Variants in NAV3 observed in about 807,000 individuals in gnomAD.
NAV3 encodes pore membrane and/or filament interacting like protein 1.
A neutral mutation model predicts 244.7 loss-of-function variants in NAV3; 87 were observed. The ratio of observed to expected loss-of-function variants is 0.36; its 90% CI spans 0.30 to 0.42. The LOEUF (loss-of-function observed/expected upper bound fraction) is 0.42, where lower values mean the gene tolerates loss of function less well. Among genes scored for constraint, NAV3 ranks in the 20% least tolerant of loss-of-function variants. The pLI, the probability that NAV3 is intolerant of heterozygous loss-of-function variation, is 1.00. For missense variants in NAV3, 2,663 were observed against 2,893.3 expected, an observed-to-expected ratio of 0.92 and a Z score of 1.83; for synonymous variants, 1,126 against 1,042.2, an observed-to-expected ratio of 1.08 and a Z score of -1.55.
chr12:78,051,113 G>A lies in NAV3; in HGVS notation c.2482G>A (p.Gly828Arg), dbSNP rs1171822601. 4.3e-6 allele frequency: 7 copies of A among 1,612,648 alleles called. No homozygotes were observed. Among genetic ancestry groups the A allele is most frequent in the Non-Finnish European group, 5.1e-6 (6 of 1,178,928 alleles). ...ATATATGAGTGATGGTGATATCCTT[G>A]GGAAAAGTCTCAGGACTGATGACAT... The part of the protein sequence containing the change: ...GGYMSDGDIL[G>R]KSLRTDDINS... Residue 828 changes from glycine (G) to arginine (R), a missense_variant, in exon 11 of 40, where the codon GGG becomes AGG. By Grantham distance (125) the Gly-to-Arg change is moderately radical. This residue lies in a region of NAV3 where 1,521 missense variants were observed against 1,497.0 expected (regional missense o/e 1.02). Coordinates refer to ENST00000397909, the MANE Select transcript of NAV3 (RefSeq NM_001024383.2).
intron 23 of NAV3, among the ~76,000 whole-genome samples, chr12:78,160,700 A>T (rs1029307789): frequency 6.6e-6 from 1 of 152,128 alleles, no homozygotes; most frequent in Non-Finnish European, 1.5e-5. Context: ...GAATATTCTT[A>T]TAATTGCCAA....
At chr12:78,121,309 A>G (rs538817631) in intron 15 of NAV3, among the ~76,000 whole-genome samples, 2 of 152,340 alleles carry the variant, frequency 1.3e-5, no homozygotes, top group African/African-American at 2.4e-5. Flanking sequence ...TAAAAAATGT[A>G]TTTGAATAGC....
chr12:78,165,458 G>C (rs1299894406), intron 23 of NAV3, among the ~76,000 whole-genome samples: 1 of 151,696 alleles, frequency 6.6e-6, no homozygotes, highest in African/African-American at 2.4e-5. Flanking sequence ...CTCAAAACTT[G>C]AGTATCTTCT....
chr12:77,960,882 T>C (rs1388447109), intron 3 of NAV3, among the ~76,000 whole-genome samples: 1 of 146,734 alleles, frequency 6.8e-6, no homozygotes, highest in Non-Finnish European at 1.5e-5. Flanking sequence ...AATATATTGA[T>C]ATTTAATATG....
At chr12:78,029,413 T>C (rs1482254698) in intron 9 of NAV3, among the ~76,000 whole-genome samples, 2 of 152,196 alleles carry the variant, frequency 1.3e-5, no homozygotes, top group Non-Finnish European at 2.9e-5. Flanking sequence ...CATGATGATC[T>C]TAGTGAAGAA....
intron 1 of NAV3, among the ~76,000 whole-genome samples, chr12:77,833,038 C>T (rs1445651676): frequency 6.6e-6 from 1 of 152,220 alleles, no homozygotes; most frequent in Non-Finnish European, 1.5e-5. Flanking sequence ...TTCACCTGTT[C>T]AGATCCTTTA....
chr12:77,778,547 G>A (rs944644276), intron 2 of NAV3, among the ~76,000 whole-genome samples: 1 of 150,342 alleles, frequency 6.7e-6, no homozygotes, highest in African/African-American at 2.5e-5. Context: ...AGGAGACAGA[G>A]CTTGCAGTGA....
chr12:77,898,320 T>C (rs1281931469), intron 1 of NAV3, among the ~76,000 whole-genome samples: 2 of 152,130 alleles, frequency 1.3e-5, no homozygotes, highest in Non-Finnish European at 2.9e-5. Context: ...ATATTTCAAA[T>C]TGGCAAAAAT....
chr12:78,023,967 C>T (rs1877574732), intron 9 of NAV3, among the ~76,000 whole-genome samples: 1 of 152,104 alleles, frequency 6.6e-6, no homozygotes, highest in Non-Finnish European at 1.5e-5. Context: ...GATCTAGGCA[C>T]CATCAGAAAC....
intron 5 of NAV3, among the ~76,000 whole-genome samples, chr12:77,977,758 T>A: frequency 6.7e-6 from 1 of 149,746 alleles, no homozygotes; most frequent in Non-Finnish European, 1.5e-5. Context: ...CAGAATCAAG[T>A]AATATACTCT....
At chr12:77,882,537 A>G (rs1423369699) in intron 1 of NAV3, among the ~76,000 whole-genome samples, 1 of 152,158 alleles carries the variant, frequency 6.6e-6, no homozygotes, top group Non-Finnish European at 1.5e-5. Context: ...ATTTCTGGCT[A>G]AGTCCCCAAA....
chr12:77,589,007 G>C (rs1869775618), intron 2 of NAV3, among the ~76,000 whole-genome samples: 1 of 152,132 alleles, frequency 6.6e-6, no homozygotes. Context: ...ACCCTGGACT[G>C]AGCTTTTAAA....
At chr12:78,052,172 C>A (rs1882850747) in intron 11 of NAV3, 1 of 152,134 alleles carries the variant, frequency 6.6e-6, no homozygotes, top group Non-Finnish European at 1.5e-5. Context: ...TATAAGTGAC[C>A]CTTCCTGACT....
rs536532769 is a variant in NAV3, at chr12:78,023,578, T to G, written c.2023+1716T>G. Among the ~76,000 whole-genome samples the G allele has an allele frequency of 3.9e-4, 60 of 152,312 alleles. No individual in the cohort carries two copies. The Middle Eastern group carries it at 0.014, about 35-fold the overall frequency. ...GTACAGTGAGACTTGTCTAATTATG[T>G]CAATCTCACTATCATCTGTTTAAAT... On this transcript the variant is annotated intron_variant, in intron 9 of 39. Transcript: ENST00000397909.
At chr12:77,793,382 G>T (rs1325410197) in intron 2 of NAV3, among the ~76,000 whole-genome samples, 2 of 152,076 alleles carry the variant, frequency 1.3e-5, no homozygotes. Context: ...AAATACATGT[G>T]CCATGGTGGT....
intron 1 of NAV3, among the ~76,000 whole-genome samples, chr12:77,917,011 A>G (rs1887212180): frequency 6.6e-6 from 1 of 152,006 alleles, no homozygotes; most frequent in Non-Finnish European, 1.5e-5. Context: ...AACTAGTCTT[A>G]TAAACTAGTC....
Position 77,904,274 on chromosome 12 carries a change from G to C in NAV3, c.244-36045G>C, listed in dbSNP as rs563193184. ...GTCCAACAATGATAGACTGGATTAA[G>C]AAAATGTGGCACATATACACCATGG... is the stretch of plus-strand genomic sequence containing the variant. On this transcript the variant is annotated intron_variant, in intron 1 of 39. Coordinates refer to ENST00000397909, the MANE Select transcript of NAV3 (RefSeq NM_001024383.2). Among the ~76,000 whole-genome samples, 387 of 152,248 alleles carry C rather than the reference G, an allele frequency of 2.5e-3. 1 individual carries two copies. Among genetic ancestry groups the C allele is most frequent in the Non-Finnish European group, 4.5e-3 (307 of 68,004 alleles).
At chr12:77,939,401 T>C (rs1312627629) in intron 1 of NAV3, among the ~76,000 whole-genome samples, 1 of 152,158 alleles carries the variant, frequency 6.6e-6, no homozygotes, top group African/African-American at 2.4e-5. Flanking sequence ...AACAAGCGTA[T>C]TTCTTACTTT....
chr12:77,829,420 A>G (rs193283538), upstream of NAV3, among the ~76,000 whole-genome samples: 14 of 152,178 alleles, frequency 9.2e-5, no homozygotes, highest in Admixed American at 5.2e-4. Flanking sequence ...CCTAGAATCA[A>G]TTTTTCCCAC....
Sources: allele counts gnomAD v4.1 joint callset (sites outside exome capture counted in the v4.1 genomes callset), GRCh38; gene constraint gnomAD v4.1.1; regional missense constraint gnomAD v4.1.1; transcripts MANE v1.5; gene names NCBI Gene and HGNC (gene_info 2026-07-23, HGNC 2026-07-21).